CPPED1: variants seen among roughly 807,000 people sequenced by gnomAD.
CPPED1 encodes serine/threonine-protein phosphatase CPPED1.
CPPED1 carries 28 observed loss-of-function variants against 28.0 expected under a neutral mutation model. The observed-to-expected ratio is 1.00, with a 90% CI of 0.74 to 1.37. CPPED1 has a LOEUF of 1.37. Among genes scored for constraint, CPPED1 ranks in the 40% most tolerant of loss-of-function variants. CPPED1 has a pLI of 0.00. For synonymous variants in CPPED1, 198 were observed against 180.2 expected, an observed-to-expected ratio of 1.10 and a Z score of -0.79; for missense variants, 504 against 416.5, an observed-to-expected ratio of 1.21 and a Z score of -1.83.
At chr16:12,735,701 G>C (rs1052318319) in intron 2 of CPPED1, among the ~76,000 whole-genome samples, 2 of 152,224 alleles carry the variant, frequency 1.3e-5, no homozygotes, top group African/African-American at 2.4e-5. Context: ...TCTCTGCAAA[G>C]AGCTTAGAAC....
At chr16:12,733,323 G>T (rs899902298) in intron 2 of CPPED1, among the ~76,000 whole-genome samples, 2 of 143,678 alleles carry the variant, frequency 1.4e-5, no homozygotes, top group Non-Finnish European at 3.0e-5. Flanking sequence ...CACCCAGGCT[G>T]GAATGCAGTG....
At chr16:12,688,701 T>C (rs1048483353) in intron 3 of CPPED1, among the ~76,000 whole-genome samples, 10 of 152,186 alleles carry the variant, frequency 6.6e-5, no homozygotes, top group Non-Finnish European at 1.2e-4. Flanking sequence ...TCTCCAAGAC[T>C]CTGAGCTTCT....
intron 1 of CPPED1, among the ~76,000 whole-genome samples, chr16:12,785,504 T>G (rs1340379091): frequency 6.6e-6 from 1 of 151,256 alleles, no homozygotes. Context: ...CTCTGCTTAC[T>G]GCAATCTCTG....
rs147152842 is a variant in CPPED1 at position 12,664,988 on chromosome 16, C to G, written c.843G>C (p.Val281=). The change falls in exon 4 of 4, where the codon GTG becomes GTC. Residue 281 remains valine, a synonymous_variant. Transcript: ENST00000381774. The surrounding 1 kb of genome is among the most constrained non-coding windows in gnomAD (Gnocchi z 4.2). ...GAACAATTTTCTCGGCGGTGACCAC[C>G]ACGACTCGGAGCCCGTGGGGGTCTC... ...LGRDPHGLRV[V]VVTAEKIVHR... The G allele has an allele frequency of 2.5e-6, 4 of 1,611,608 alleles. No individual in the cohort carries two copies. In the Admixed American group the frequency reaches 5.1e-5, roughly 20 times the overall value.
At chr16:12,678,991 T>C (rs958729180) in intron 3 of CPPED1, among the ~76,000 whole-genome samples, 4 of 152,244 alleles carry the variant, frequency 2.6e-5, no homozygotes, top group African/African-American at 7.2e-5. Flanking sequence ...TTTTAGACTT[T>C]TGATATGACT....
intron 2 of CPPED1, among the ~76,000 whole-genome samples, chr16:12,764,008 G>A (rs1174871964): frequency 6.8e-6 from 1 of 147,886 alleles, no homozygotes; most frequent in Non-Finnish European, 1.5e-5. Context: ...TTTAAACATT[G>A]TGTCTTTTTT....
At chr16:12,711,332 G>A (rs1057475483) in intron 2 of CPPED1, among the ~76,000 whole-genome samples, 1 of 152,264 alleles carries the variant, frequency 6.6e-6, no homozygotes, top group East Asian at 1.9e-4. Context: ...CTTTCAGGAG[G>A]GAAGGATGGT....
intron 2 of CPPED1, among the ~76,000 whole-genome samples, chr16:12,730,163 A>AT (rs775007517): frequency 6.6e-6 from 1 of 151,848 alleles, no homozygotes; most frequent in African/African-American, 2.4e-5. Flanking sequence ...CGGCCAGCTA[A>AT]TTTTTTTTAA....
chr16:12,764,310 T>G (rs949874114), intron 2 of CPPED1, among the ~76,000 whole-genome samples: 4 of 152,024 alleles, frequency 2.6e-5, no homozygotes, highest in Admixed American at 6.6e-5. Context: ...TTCAAGCGAT[T>G]CTCGTGCCTC....
At chr16:12,716,059 A>G (rs765445490) in intron 2 of CPPED1, among the ~76,000 whole-genome samples, 4 of 152,238 alleles carry the variant, frequency 2.6e-5, no homozygotes, top group Non-Finnish European at 5.9e-5. Flanking sequence ...GAACAGAACT[A>G]TGATACCGGG....
chr16:12,783,317 G>T (rs2080543510), intron 1 of CPPED1, among the ~76,000 whole-genome samples: 1 of 152,070 alleles, frequency 6.6e-6, no homozygotes, highest in Non-Finnish European at 1.5e-5. Flanking sequence ...GGCCAACATG[G>T]TGAAACCTCA....
chr16:12,798,337 C>T (rs2080639430), intron 1 of CPPED1, among the ~76,000 whole-genome samples: 1 of 152,116 alleles, frequency 6.6e-6, no homozygotes. Context: ...ACTAGTTTGG[C>T]CTAAATGTAT....
chr16:12,696,615 G>C lies in CPPED1; in HGVS notation c.715+8009C>G, dbSNP rs539944399. Among the ~76,000 whole-genome samples the C allele has an allele frequency of 6.6e-5, 10 of 151,884 alleles. No homozygotes were observed. In the South Asian group the frequency reaches 2.1e-3, roughly 32 times the overall value. ...CACCACCACGCTCCACTAATTTTTT[G>C]TATTTTTAGTAGAGATGGGGTTTCA... is the stretch of plus-strand genomic sequence containing the variant. On this transcript the variant is annotated intron_variant, in intron 3 of 3. Coordinates refer to ENST00000381774, the MANE Select transcript of CPPED1 (RefSeq NM_018340.3).
intron 3 of CPPED1, among the ~76,000 whole-genome samples, chr16:12,675,312 G>A (rs2079872354): frequency 6.6e-6 from 1 of 152,216 alleles, no homozygotes; most frequent in Non-Finnish European, 1.5e-5. Context: ...ATTATGAACT[G>A]CTGTAAGGAG....
intron 2 of CPPED1, among the ~76,000 whole-genome samples, chr16:12,730,797 C>A (rs2080193127): frequency 6.6e-6 from 1 of 152,158 alleles, no homozygotes; most frequent in East Asian, 1.9e-4. Context: ...CACGAGGGAG[C>A]CTTCTGGAGT....
intron 2 of CPPED1, among the ~76,000 whole-genome samples, chr16:12,723,079 G>A (rs928463298): frequency 2.0e-5 from 3 of 152,246 alleles, no homozygotes; most frequent in African/African-American, 4.8e-5. Context: ...GGTCGGCAAC[G>A]TCTCCACCCG....
Position 12,803,844 on chromosome 16 carries a change from C to T in CPPED1, c.-68G>A, listed in dbSNP as rs1284474478. 13 of 1,460,976 alleles carry T rather than the reference C, an allele frequency of 8.9e-6. No individual in the cohort carries two copies. Among genetic ancestry groups the T allele is most frequent in the Non-Finnish European group, 1.2e-5 (13 of 1,076,496 alleles). 90.5% of individuals were successfully genotyped at this position (1,460,976 alleles called of 1,614,324 possible). A position where few individuals can be genotyped will look rare whatever the true frequency, so the allele number is the denominator to read the frequency against. On this transcript the variant is annotated 5_prime_UTR_variant, in exon 1 of 4. Transcript: ENST00000381774. ...GGAAGCCGCGCGACTTCACACAGAA[C>T]AACCGCTGGACCTGTCCCGCTTTGG...
intron 3 of CPPED1, among the ~76,000 whole-genome samples, chr16:12,694,959 G>T (rs1391190181): frequency 6.6e-6 from 1 of 151,974 alleles, no homozygotes; most frequent in Non-Finnish European, 1.5e-5. Context: ...TATATTTTTA[G>T]TAGAGACAGG....
chr16:12,771,806 T>C lies in CPPED1; in HGVS notation c.289+9379A>G, dbSNP rs1194026093. 3.9e-5 allele frequency among the ~76,000 whole-genome samples: 6 copies of C among 152,310 alleles called. No individual in the cohort carries two copies. The East Asian group carries it at 1.2e-3, about 29-fold the overall frequency. ...TCAATGGCTTTATTTCCCAATTCTA[T>C]ACATTCATTACAGAATTAGAAACCT... On this transcript the variant is annotated intron_variant, in intron 2 of 3. Coordinates refer to ENST00000381774, the MANE Select transcript of CPPED1 (RefSeq NM_018340.3).
Sources: gnomAD v4.1 joint callset for allele counts (sites outside exome capture counted in the v4.1 genomes callset) on GRCh38, gnomAD v4.1.1 for gene constraint, Gnocchi (gnomAD v3.1) non-coding constraint, MANE v1.5 for transcripts, NCBI Gene and HGNC (gene_info 2026-07-23, HGNC 2026-07-21) for gene names.